HMCN1: variants seen among roughly 807,000 people sequenced by gnomAD.
HMCN1 encodes hemicentin-1.
In HMCN1, 321 loss-of-function variants were observed where a neutral mutation model predicts 625.9. The ratio of observed to expected loss-of-function variants is 0.51; its 90% confidence interval spans 0.47 to 0.56. The LOEUF (loss-of-function observed/expected upper bound fraction) is 0.56. Among genes scored for constraint, HMCN1 ranks in the 20% least tolerant of loss-of-function variants. The pLI, the probability that HMCN1 is intolerant of heterozygous loss-of-function variation, is 0.00. For missense variants in HMCN1, 6,588 were observed against 6,887.3 expected (o/e 0.96, Z 1.54); for synonymous variants, 2,425 against 2,417.6 (o/e 1.00, Z -0.09).
intron 11 of HMCN1, among the ~76,000 whole-genome samples, chr1:185,942,728 C>T (rs1668146105): frequency 6.6e-6 from 1 of 152,102 alleles, no homozygotes; most frequent in Non-Finnish European, 1.5e-5. Flanking sequence ...GAAATCAACT[C>T]ATTTAGCATG....
chr1:185,924,034 T>C (rs1049175233), intron 8 of HMCN1, among the ~76,000 whole-genome samples: 1 of 152,172 alleles, frequency 6.6e-6, no homozygotes, highest in Non-Finnish European at 1.5e-5. Context: ...TAGTTCATAG[T>C]AAACAACAGG....
At chr1:185,888,783 G>A (rs1182187631) in intron 4 of HMCN1, among the ~76,000 whole-genome samples, 6 of 144,746 alleles carry the variant, frequency 4.1e-5, no homozygotes, top group Non-Finnish European at 9.0e-5. Flanking sequence ...GATTGACTTG[G>A]CGATGCGGGC....
At chr1:185,910,014 A>G (rs1390665023) in intron 5 of HMCN1, among the ~76,000 whole-genome samples, 1 of 152,164 alleles carries the variant, frequency 6.6e-6, no homozygotes, top group Non-Finnish European at 1.5e-5. Context: ...TCTTAAGTAT[A>G]TTTTATAACC....
chr1:186,145,972 A>G, intron 93 of HMCN1, 49 bp downstream of exon 93: 1 of 1,587,084 alleles, frequency 6.3e-7, no homozygotes, highest in Non-Finnish European at 8.6e-7. Context: ...CCTTTGTGCA[A>G]ATTAGAGAAA....
chr1:185,757,852 G>A (rs1264125089), intron 1 of HMCN1, among the ~76,000 whole-genome samples: 1 of 152,020 alleles, frequency 6.6e-6, no homozygotes, highest in Admixed American at 6.6e-5. Context: ...AGTCCCCAGT[G>A]TATTTAATTT....
intron 40 of HMCN1, among the ~76,000 whole-genome samples, chr1:186,043,379 A>G (rs1656338423): frequency 1.3e-5 from 2 of 152,184 alleles, no homozygotes; most frequent in African/African-American, 4.8e-5. Context: ...ATCCTTGGCT[A>G]TAATTAGATT....
In HMCN1 at chr1:186,048,739, T is replaced by C; in HGVS notation, c.6481-4T>C. ...GTGATTTCAAAGGATGATTTTGTTT[T>C]CAGATTGAAGATGCTCAGGTTCAAG... is the stretch of plus-strand genomic sequence containing the variant. On this transcript the variant is annotated splice_region_variant and splice_polypyrimidine_tract_variant and intron_variant, in intron 41 of 106. Transcript: ENST00000271588. The C allele has an allele frequency of 6.3e-7, 1 of 1,584,850 alleles. No homozygotes were observed. Among genetic ancestry groups the C allele is most frequent in the Non-Finnish European group, 8.7e-7 (1 of 1,153,858 alleles).
intron 97 of HMCN1, among the ~76,000 whole-genome samples, chr1:186,164,354 C>T (rs1016619571): frequency 6.6e-6 from 1 of 151,326 alleles, no homozygotes; most frequent in South Asian, 2.1e-4. Context: ...ATTCTGCTGC[C>T]TCAGTCTCCT....
chr1:185,856,782 A>G (rs1256529830), intron 2 of HMCN1, among the ~76,000 whole-genome samples: 2 of 152,232 alleles, frequency 1.3e-5, no homozygotes, highest in African/African-American at 2.4e-5. Flanking sequence ...AACAACTGAT[A>G]TAAAAACGAG....
chr1:185,810,736 T>C (rs191970259), intron 1 of HMCN1, among the ~76,000 whole-genome samples: 14 of 151,970 alleles, frequency 9.2e-5, no homozygotes, highest in Admixed American at 7.9e-4. Flanking sequence ...CTTCCCATAA[T>C]GATTAAAATT....
At chr1:186,155,928 G>C (rs1001315902) in intron 97 of HMCN1, among the ~76,000 whole-genome samples, 2 of 152,170 alleles carry the variant, frequency 1.3e-5, no homozygotes, top group African/African-American at 4.8e-5. Context: ...TGAAAGTTCA[G>C]ATTTCTGGGC....
chr1:186,069,965 A>G (rs1392840786), intron 51 of HMCN1, among the ~76,000 whole-genome samples, 189 bp downstream of exon 51: 15 of 152,246 alleles, frequency 9.9e-5, no homozygotes, highest in Admixed American at 8.5e-4. Flanking sequence ...CAAGATGTGA[A>G]GAGCCTACTA....
intron 10 of HMCN1, among the ~76,000 whole-genome samples, chr1:185,930,442 C>A (rs1445971615): frequency 2.6e-5 from 4 of 152,204 alleles, no homozygotes; most frequent in Non-Finnish European, 5.9e-5. Flanking sequence ...TACTTATCAG[C>A]ACACTGGAAT....
At position 185,893,047 on chromosome 1, in the gene HMCN1, T is replaced by C. The variant is rs56151138; in HGVS notation, c.622-16290T>C. Among the ~76,000 whole-genome samples, 1,160 of 152,312 alleles carry C rather than the reference T, an allele frequency of 7.6e-3. 14 individuals carry two copies. The highest frequency in any genetic ancestry group is 0.025 in the African/African-American group (1,042 of 41,568). The stretch of plus-strand genomic sequence containing the variant: ...TTTTAAGCAGGTCGGAAAAGCGCAG[T>C]ATTCGGGTGCAAGTGACCCGATTTT... On this transcript the variant is annotated intron_variant, in intron 4 of 106. Transcript: ENST00000271588.
chr1:186,141,229 T>C (rs538346469), intron 89 of HMCN1, among the ~76,000 whole-genome samples: 26 of 151,842 alleles, frequency 1.7e-4, no homozygotes, highest in Non-Finnish European at 3.1e-4. Flanking sequence ...GGAGTAGCTG[T>C]AAATACAGAT....
chr1:185,998,728 T>C (rs1005310958), intron 25 of HMCN1, among the ~76,000 whole-genome samples: 3 of 152,190 alleles, frequency 2.0e-5, no homozygotes, highest in Non-Finnish European at 2.9e-5. Context: ...TTAAAGTTAC[T>C]AGACATCGTT....
At chr1:185,758,834 A>G (rs1035133533) in intron 1 of HMCN1, among the ~76,000 whole-genome samples, 1 of 151,778 alleles carries the variant, frequency 6.6e-6, no homozygotes, top group South Asian at 2.1e-4. Flanking sequence ...GTTTTTTTTA[A>G]TTAGTTCCCA....
At chr1:185,752,066 G>A (rs1438187017) in intron 1 of HMCN1, among the ~76,000 whole-genome samples, 15 of 152,126 alleles carry the variant, frequency 9.9e-5, no homozygotes, top group Non-Finnish European at 2.1e-4. Flanking sequence ...TCTTTCTACA[G>A]AGGGGTTTGC....
chr1:185,825,614 A>T (rs1023201226), intron 1 of HMCN1, among the ~76,000 whole-genome samples: 1 of 152,166 alleles, frequency 6.6e-6, no homozygotes, highest in Admixed American at 6.5e-5. Context: ...TCTGTTTGTC[A>T]TTATATTTAT....
Sources: gnomAD v4.1 joint callset for allele counts (sites outside exome capture counted in the v4.1 genomes callset) on GRCh38, gnomAD v4.1.1 for gene constraint, MANE v1.5 for transcripts, NCBI Gene and HGNC (gene_info 2026-07-23, HGNC 2026-07-21) for gene names.